The following ZNF729 variants were observed in gnomAD, a reference collection of about 807,000 sequenced individuals.
ZNF729 encodes the protein zinc finger protein 729.
Under a neutral mutation model 12.2 loss-of-function variants are expected in ZNF729, and 15 were observed. The ratio of observed to expected loss-of-function variants is 1.23; its 90% CI spans 0.82 to 1.89. The LOEUF is 1.89. Ranked by LOEUF, ZNF729 falls within the 40% of genes most tolerant of loss-of-function variation. ZNF729 has a pLI of 0.00. For synonymous variants in ZNF729, 492 were observed against 476.3 expected (o/e 1.03, Z -0.43); for missense variants, 1,540 against 1,456.7 (o/e 1.06, Z -0.93).
At chr19:22,290,070 ACT>A (rs1968132761) in intron 1 of ZNF729, among the ~76,000 whole-genome samples, 1 of 152,272 alleles carries the variant, frequency 6.6e-6, no homozygotes, top group East Asian at 1.9e-4. Context: ...CACATGAATA[ACT>A]CTGACATGAA....
At chr19:22,308,652 T>G (rs542681186) in intron 3 of ZNF729, among the ~76,000 whole-genome samples, 2 of 152,228 alleles carry the variant, frequency 1.3e-5, no homozygotes, top group Non-Finnish European at 2.9e-5. Context: ...TTCATGTTTT[T>G]TGGCCATTTG....
rs1359970456 is a variant in ZNF729 at position 22,314,743 on chromosome 19, C to G, written c.1326C>G (p.Asn442Lys). The change falls in exon 4 of 4, where the codon AAC becomes AAG. Residue 442 changes from asparagine to lysine, a missense_variant. By Grantham distance (94) the Asn-to-Lys change is moderately conservative (BLOSUM62 0). Coordinates refer to ENST00000601693, the MANE Select transcript of ZNF729 (RefSeq NM_001242680.2). ...GTGAAGAATGTGGCAAAGCTTTTAACAGTTCCTCAACCCTTATGAAACATA... is the reference window on the plus strand; with the variant it reads ...GTGAAGAATGTGGCAAAGCTTTTAAGAGTTCCTCAACCCTTATGAAACATA... Reference protein sequence around the residue: ...YKCEECGKAFNSSSTLMKHKI... With the variant: ...YKCEECGKAFKSSSTLMKHKI... 2 of 1,612,708 alleles carry G rather than the reference C, an allele frequency of 1.2e-6. No individual in the cohort carries two copies. The highest frequency in any genetic ancestry group is 1.7e-6 in the Non-Finnish European group (2 of 1,179,656).
intron 1 of ZNF729, among the ~76,000 whole-genome samples, chr19:22,298,005 C>CAAAAAAAAAAA (rs34435303): frequency 2.9e-5 from 2 of 68,132 alleles, no homozygotes; most frequent in Non-Finnish European, 5.4e-5. Context: ...AACTCCATCT[C>CAAAAAAAAAAA]AAAAAAAAAA....
Position 22,315,604 on chromosome 19 carries a change from A to G in ZNF729, c.2187A>G (p.Val729=). ...TTAAGTGGTCATCAAAACTTACTGT[A>G]CATAAGGTAATTCATACTGCAGAGA... The part of the protein sequence containing the change: ...KAFKWSSKLT[V]HKVIHTAEKP... Residue 729 remains valine (V), a synonymous_variant, in exon 4 of 4, where the codon GTA becomes GTG. Transcript: ENST00000601693. The G allele has an allele frequency of 6.2e-7, 1 of 1,609,286 alleles. No homozygotes were observed. Among genetic ancestry groups the G allele is most frequent in the Non-Finnish European group, 8.5e-7 (1 of 1,179,126 alleles).
In ZNF729 at chr19:22,313,812, G is replaced by T. The variant is rs1276485576; in HGVS notation, c.395G>T (p.Gly132Val). 1.9e-6 allele frequency: 3 copies of T among 1,594,254 alleles called. No individual in the cohort carries two copies. The highest frequency in any genetic ancestry group is 1.7e-6 in the Non-Finnish European group (2 of 1,172,062). The change falls in exon 4 of 4, where the codon GGT becomes GTT. Residue 132 changes from glycine (G) to valine (V), a missense_variant. Physicochemically the swap from Gly to Val is moderately radical, Grantham distance 109. Transcript: ENST00000601693. ...AAAGATTGTAAAAGTGCCAATGAGG[G>T]TAAGATGCACAAAGAAGGTTATAAT... ...LRKDCKSANE[G>V]KMHKEGYNKL...
At position 22,315,134 on chromosome 19, in the gene ZNF729, A is replaced by G. The variant is rs1470767555; in HGVS notation, c.1717A>G (p.Lys573Glu). 1.2e-6 allele frequency: 2 copies of G among 1,611,418 alleles called. No homozygotes were observed. Among genetic ancestry groups the G allele is most frequent in the African/African-American group, 2.7e-5 (2 of 75,028 alleles). ...AATTCATACTGGAGAGAAACCCTGCAAATGTGAAGAATGTGGCAAAGCTTT... is the reference window on the plus strand; with the variant it reads ...AATTCATACTGGAGAGAAACCCTGCGAATGTGAAGAATGTGGCAAAGCTTT... The part of the protein sequence containing the change: ...KVIHTGEKPC[K>E]CEECGKAFKH... Residue 573 changes from lysine (K) to glutamate (E), a missense_variant, in exon 4 of 4, where the codon AAA (lysine) becomes GAA (glutamate). Physicochemically the swap from Lys to Glu is moderately conservative, Grantham distance 56. Transcript: ENST00000601693.
intron 2 of ZNF729, 50 bp downstream of exon 2, chr19:22,303,934 TTTCTC>T (rs1361775413): frequency 2.0e-6 from 3 of 1,493,998 alleles, no homozygotes; most frequent in South Asian, 1.2e-5. Context: ...ATAGGTTTAA[TTTCTC>T]TTTTCTGTAG....
rs574045624 is a variant in ZNF729 at position 22,303,895 on chromosome 19, T to C, written c.157+11T>C. On this transcript the variant is annotated intron_variant, in intron 2 of 3. Coordinates refer to ENST00000601693, the MANE Select transcript of ZNF729 (RefSeq NM_001242680.2). ...ACCTGGTCTTCCTGGGTGAGGATAATTTTAATTAAGCAATTCCTATTATAT... is the reference window on the plus strand; with the variant it reads ...ACCTGGTCTTCCTGGGTGAGGATAACTTTAATTAAGCAATTCCTATTATAT... The C allele has an allele frequency of 2.2e-5, 34 of 1,559,496 alleles. No individual in the cohort carries two copies. In the East Asian group the frequency reaches 7.6e-4, roughly 35 times the overall value.
Position 22,314,247 on chromosome 19 carries a change from C to T in ZNF729, c.830C>T (p.Ser277Leu). 1 of 1,608,538 alleles carries T rather than the reference C, an allele frequency of 6.2e-7. No homozygotes were observed. Among genetic ancestry groups the T allele is most frequent in the South Asian group, 1.1e-5 (1 of 90,706 alleles). The stretch of plus-strand genomic sequence containing the variant: ...TGTGGCAAAGCTTTTAACCAGTCCT[C>T]AAATCTTACTGACCATAAGAGAATT... ...EECGKAFNQS[S>L]NLTDHKRIHT... The change falls in exon 4 of 4, where the codon TCA becomes TTA. Residue 277 changes from serine to leucine, a missense_variant. Transcript: ENST00000601693.
intron 3 of ZNF729, among the ~76,000 whole-genome samples, chr19:22,309,990 G>A (rs770711214): frequency 6.6e-6 from 1 of 151,588 alleles, no homozygotes; most frequent in Non-Finnish European, 1.5e-5. Flanking sequence ...AAAAGGGGTT[G>A]AGTTATTGAT....
rs554977536 is a variant in ZNF729 at position 22,304,729 on chromosome 19, C to G, written c.199C>G (p.Gln67Glu). 120 of 1,613,106 alleles carry G rather than the reference C, an allele frequency of 7.4e-5. No homozygotes were observed. Among genetic ancestry groups the G allele is most frequent in the Middle Eastern group, 6.6e-4 (4 of 6,054 alleles). The change falls in exon 3 of 4, where the codon CAA becomes GAA. Residue 67 changes from glutamine to glutamate, a missense_variant. Physicochemically the swap from Gln to Glu is conservative, Grantham distance 29 (BLOSUM62 2). Transcript: ENST00000601693. ...FKPDLITCLK[Q>E]GKEPWNMKRH... is the part of the protein sequence containing the mutation. ...GCCAGACTTGATAACTTGTCTGAAG[C>G]AAGGGAAAGAGCCTTGGAATATGAA...
chr19:22,314,233 T>A lies in ZNF729; in HGVS notation c.816T>A (p.Ala272=), dbSNP rs768007988. 1.2e-6 allele frequency: 2 copies of A among 1,606,776 alleles called. No individual in the cohort carries two copies. The highest frequency in any genetic ancestry group is 2.7e-5 in the African/African-American group (2 of 74,734). ...TCAGATGTGAAGAATGTGGCAAAGC[T>A]TTTAACCAGTCCTCAAATCTTACTG... is the stretch of plus-strand genomic sequence containing the variant. ...TPFRCEECGK[A]FNQSSNLTDH... The change falls in exon 4 of 4, where the codon GCT becomes GCA. Residue 272 remains alanine (A), a synonymous_variant. Coordinates refer to ENST00000601693, the MANE Select transcript of ZNF729 (RefSeq NM_001242680.2).
intron 1 of ZNF729, among the ~76,000 whole-genome samples, chr19:22,297,965 A>G (rs1968251658): frequency 7.1e-6 from 1 of 141,048 alleles, no homozygotes; most frequent in South Asian, 2.2e-4. Flanking sequence ...AGATCACCCC[A>G]TCGCACTCTG....
intron 1 of ZNF729, among the ~76,000 whole-genome samples, chr19:22,288,884 CAG>C (rs1194856581): frequency 6.6e-6 from 1 of 151,478 alleles, no homozygotes; most frequent in Non-Finnish European, 1.5e-5. Context: ...GAAAAAAAAA[CAG>C]TGATCCAGTG....
At position 22,316,210 on chromosome 19, in the gene ZNF729, T is replaced by C. The variant is rs748153758; in HGVS notation, c.2793T>C (p.Thr931=). Reference sequence around the variant, plus strand: ...TTAGAAAACATAAGATAATTCATACTGGAAAGAAACCCTACAAATGTGAAG... The same window carrying C: ...TTAGAAAACATAAGATAATTCATACCGGAAAGAAACCCTACAAATGTGAAG... The part of the protein sequence containing the change: ...SALRKHKIIH[T]GKKPYKCEEC... Residue 931 remains threonine (T), a synonymous_variant, in exon 4 of 4, where the codon ACT becomes ACC. Transcript: ENST00000601693. The C allele has an allele frequency of 1.6e-4, 261 of 1,613,160 alleles. 1 individual carries two copies. Among genetic ancestry groups the C allele is most frequent in the South Asian group, 8.3e-4 (76 of 91,060 alleles).
intron 1 of ZNF729, among the ~76,000 whole-genome samples, chr19:22,293,807 CTT>C (rs1968188044): frequency 6.6e-6 from 1 of 152,050 alleles, no homozygotes; most frequent in East Asian, 1.9e-4. Context: ...TTTTGTCTAC[CTT>C]TTAAGGAGGT....
Position 22,294,663 on chromosome 19 carries a change from T to C in ZNF729, c.30+8108T>C, listed in dbSNP as rs1372589550. Among the ~76,000 whole-genome samples the C allele has an allele frequency of 6.9e-5, 10 of 145,038 alleles. No homozygotes were observed. The East Asian group carries it at 1.4e-3, about 20-fold the overall frequency. On this transcript the variant is annotated intron_variant, in intron 1 of 3. Coordinates refer to ENST00000601693, the MANE Select transcript of ZNF729 (RefSeq NM_001242680.2). ...TTTTTTTTTTTTTCTTTTTCTTTTT[T>C]TTTTTTTTTTTGAGTCCGAGTCTCA...
intron 1 of ZNF729, among the ~76,000 whole-genome samples, chr19:22,293,492 C>CTTTTTTTTTTTTTTTT (rs1181519048): frequency 4.0e-5 from 2 of 50,036 alleles, no homozygotes; most frequent in Non-Finnish European, 3.8e-5. Context: ...AGCCTTTTGT[C>CTTTTTTTTTTTTTTTT]TATTTTTTTT....
intron 3 of ZNF729, among the ~76,000 whole-genome samples, chr19:22,306,276 T>C (rs1470185254): frequency 1.3e-5 from 2 of 151,824 alleles, no homozygotes; most frequent in Non-Finnish European, 2.9e-5. Context: ...CCGTCTCTAC[T>C]GAAAATACAA....
Sources: gnomAD v4.1 joint callset for allele counts (sites outside exome capture counted in the v4.1 genomes callset) on GRCh38, gnomAD v4.1.1 for gene constraint, MANE v1.5 for transcripts, NCBI Gene and HGNC (gene_info 2026-07-23, HGNC 2026-07-21) for gene names.